The following RAB3C variants were observed in gnomAD, a reference collection of about 807,000 sequenced individuals.
RAB3C encodes RAB3C, member RAS oncogene family, also known as ras-related protein Rab-3C.
RAB3C carries 17 observed loss-of-function variants against 26.4 expected under a neutral mutation model. The ratio of observed to expected loss-of-function variants is 0.64; its 90% CI spans 0.44 to 0.97. The LOEUF (loss-of-function observed/expected upper bound fraction) is 0.97, where lower values mean the gene tolerates loss of function less well. RAB3C is among the 50% of genes least tolerant of loss of function. RAB3C has a pLI of 0.00. For synonymous variants in RAB3C, 91 were observed against 95.9 expected (o/e 0.95, Z 0.30); for missense variants, 242 against 281.9 (o/e 0.86, Z 1.01).
intron 3 of RAB3C, among the ~76,000 whole-genome samples, chr5:58,811,609 C>A (rs1160514905): frequency 1.3e-5 from 2 of 152,162 alleles, no homozygotes; most frequent in African/African-American, 4.8e-5. Context: ...CTTTCCTTAC[C>A]TTCCTGCATA....
intron 3 of RAB3C, among the ~76,000 whole-genome samples, chr5:58,787,100 C>T (rs1742408421): frequency 1.3e-5 from 2 of 152,318 alleles, no homozygotes; most frequent in South Asian, 2.1e-4. Flanking sequence ...CACAACAGCA[C>T]GCATTGGGCA....
intron 4 of RAB3C, among the ~76,000 whole-genome samples, chr5:58,838,611 A>G (rs1743801081): frequency 6.6e-6 from 1 of 150,500 alleles, no homozygotes; most frequent in South Asian, 2.1e-4. Context: ...GTGTTCTAAT[A>G]TATGGTCAAT....
intron 3 of RAB3C, among the ~76,000 whole-genome samples, chr5:58,727,351 T>C (rs1307453820): frequency 6.6e-6 from 1 of 151,948 alleles, no homozygotes; most frequent in Non-Finnish European, 1.5e-5. Context: ...AATACAGGGT[T>C]ATAAACTAAA....
At chr5:58,720,164 A>G (rs1740718917) in intron 2 of RAB3C, among the ~76,000 whole-genome samples, 1 of 151,904 alleles carries the variant, frequency 6.6e-6, no homozygotes, top group Non-Finnish European at 1.5e-5. Flanking sequence ...TGGTGATATT[A>G]CTTGAGTTAT....
intron 2 of RAB3C, 51 bp from the exon 3 acceptor site, chr5:58,725,951 A>G: frequency 9.0e-7 from 1 of 1,105,392 alleles, no homozygotes; most frequent in Non-Finnish European, 1.3e-6. Context: ...CACTTCCCAA[A>G]AATGTATTGC....
chr5:58,836,484 T>G (rs1299724336), intron 4 of RAB3C, among the ~76,000 whole-genome samples: 1 of 152,192 alleles, frequency 6.6e-6, no homozygotes, highest in African/African-American at 2.4e-5. Context: ...CTTACATCCC[T>G]TATCTGGCTG....
chr5:58,670,253 A>G (rs754081099), intron 2 of RAB3C, among the ~76,000 whole-genome samples: 1 of 152,164 alleles, frequency 6.6e-6, no homozygotes, highest in Admixed American at 6.6e-5. Context: ...GTCTGTAGTG[A>G]TAAAGTCTTC....
At chr5:58,704,955 C>T (rs1748915039) in intron 2 of RAB3C, among the ~76,000 whole-genome samples, 1 of 152,006 alleles carries the variant, frequency 6.6e-6, no homozygotes, top group South Asian at 2.1e-4. Flanking sequence ...GTATGAGTTT[C>T]CTTTTACTTT....
intron 3 of RAB3C, chr5:58,822,618 G>A: frequency 3.2e-6 from 1 of 313,026 alleles, no homozygotes; most frequent in South Asian, 3.6e-5. Context: ...CTGTGATACA[G>A]GATAAAAATA....
intron 4 of RAB3C, among the ~76,000 whole-genome samples, chr5:58,833,324 TCACACACACACA>T (rs571940681): frequency 5.0e-5 from 7 of 141,066 alleles, no homozygotes; most frequent in African/African-American, 1.3e-4. Context: ...ACGGACCCCA[TCACACACACACA>T]CACACACACA....
chr5:58,641,183 G>A (rs779354339), intron 2 of RAB3C, among the ~76,000 whole-genome samples: 1 of 152,178 alleles, frequency 6.6e-6, no homozygotes, highest in Non-Finnish European at 1.5e-5. Context: ...CTAAAAGAAT[G>A]GAGGTGTGCT....
At chr5:58,831,108 G>A (rs908567913) in intron 4 of RAB3C, among the ~76,000 whole-genome samples, 3 of 152,040 alleles carry the variant, frequency 2.0e-5, no homozygotes, top group African/African-American at 7.2e-5. Flanking sequence ...GAACTCTTGG[G>A]TTCAAGCAAT....
chr5:58,850,132 C>T (rs1171038201), intron 4 of RAB3C, among the ~76,000 whole-genome samples: 3 of 152,206 alleles, frequency 2.0e-5, no homozygotes, highest in Non-Finnish European at 4.4e-5. Flanking sequence ...GACTGGCAAG[C>T]TCAGCCAGTG....
At position 58,833,324 on chromosome 5, in the gene RAB3C, T is replaced by TCACATA. The variant is rs1554021455; in HGVS notation, c.496+8166_496+8167insTACACA. Among the ~76,000 whole-genome samples the TCACATA allele has an allele frequency of 1.3e-4, 18 of 141,070 alleles. 1 individual carries two copies. The highest frequency in any genetic ancestry group is 5.0e-4 in the Admixed American group (7 of 13,884). The allele number at this position is 141,070 out of a possible 152,430, so 92.5% of individuals were successfully genotyped here. ...TTTAAAAACCATGGCACGGACCCCA[T>TCACATA]CACACACACACACACACACACACAC... On this transcript the variant is annotated intron_variant, in intron 4 of 4. Transcript: ENST00000282878.
chr5:58,767,876 A>G (rs1741942691), intron 3 of RAB3C, among the ~76,000 whole-genome samples: 1 of 152,196 alleles, frequency 6.6e-6, no homozygotes, highest in South Asian at 2.1e-4. Flanking sequence ...GGGTGATAAG[A>G]GCTATGCAGA....
chr5:58,693,336 GTATA>G (rs61291213), intron 2 of RAB3C, among the ~76,000 whole-genome samples: 2 of 111,774 alleles, frequency 1.8e-5, no homozygotes, highest in East Asian at 2.5e-4. Flanking sequence ...ATATATATGT[GTATA>G]TATATATATA....
intron 3 of RAB3C, among the ~76,000 whole-genome samples, chr5:58,751,050 C>T (rs577584347): frequency 6.6e-6 from 1 of 152,198 alleles, no homozygotes; most frequent in South Asian, 2.1e-4. Context: ...GACGGAGTTT[C>T]ACCACGTTGG....
At chr5:58,597,774 T>A (rs1386490358) in intron 1 of RAB3C, among the ~76,000 whole-genome samples, 1 of 109,564 alleles carries the variant, frequency 9.1e-6, no homozygotes, top group African/African-American at 3.7e-5. Flanking sequence ...TAACATATAA[T>A]ACATTATATA....
chr5:58,838,404 C>A (rs1382570215), intron 4 of RAB3C, among the ~76,000 whole-genome samples: 1 of 151,316 alleles, frequency 6.6e-6, no homozygotes, highest in African/African-American at 2.4e-5. Context: ...CTTTTTGTTT[C>A]ATTCATCTTT....
Sources: gnomAD v4.1 joint callset for allele counts (sites outside exome capture counted in the v4.1 genomes callset) on GRCh38, gnomAD v4.1.1 for gene constraint, MANE v1.5 for transcripts, NCBI Gene and HGNC (gene_info 2026-07-23, HGNC 2026-07-21) for gene names.